METTL8: variants seen among roughly 807,000 people sequenced by gnomAD.
The protein encoded by METTL8 is tRNA N(3)-cytidine methyltransferase METTL8, mitochondrial.
METTL8 carries 32 observed loss-of-function variants against 48.7 expected under a neutral mutation model. That is an observed-to-expected ratio of 0.66 (90% CI 0.50 to 0.88). The LOEUF (loss-of-function observed/expected upper bound fraction) is 0.88. METTL8 is among the 40% of genes least tolerant of loss of function. The pLI, the probability that METTL8 is intolerant of heterozygous loss-of-function variation, is 0.00. For missense variants in METTL8, 464 were observed against 474.4 expected, an observed-to-expected ratio of 0.98 and a Z score of 0.20; for synonymous variants, 136 against 157.1, an observed-to-expected ratio of 0.87 and a Z score of 1.01.
chr2:171,359,532 G>A (rs1313634021), intron 3 of METTL8, among the ~76,000 whole-genome samples: 4 of 151,892 alleles, frequency 2.6e-5, no homozygotes, highest in Non-Finnish European at 5.9e-5. Flanking sequence ...CAAAAGAAAG[G>A]ACATCAATAT....
intron 4 of METTL8, among the ~76,000 whole-genome samples, chr2:171,338,654 A>G (rs977491222): frequency 8.9e-4 from 135 of 151,952 alleles, no homozygotes; most frequent in Non-Finnish European, 1.7e-3. Flanking sequence ...AAAAAAAAAA[A>G]AAGAAGAAAA....
intron 2 of METTL8, among the ~76,000 whole-genome samples, chr2:171,389,260 CTG>C (rs1444354198): frequency 6.6e-6 from 1 of 152,056 alleles, no homozygotes; most frequent in African/African-American, 2.4e-5. Context: ...TGGCTCACAC[CTG>C]TAATCCCAGC....
chr2:171,431,539 G>A (rs2105689735), intron 1 of METTL8, among the ~76,000 whole-genome samples: 1 of 152,356 alleles, frequency 6.6e-6, no homozygotes, highest in Non-Finnish European at 1.5e-5. Context: ...ATCAAGAGCT[G>A]TTTTGTTGCT....
intron 1 of METTL8, among the ~76,000 whole-genome samples, chr2:171,403,934 T>A (rs1296569177): frequency 2.0e-5 from 3 of 150,270 alleles, no homozygotes; most frequent in Non-Finnish European, 4.4e-5. Context: ...GAGAGCAAGA[T>A]GATGAGATCT....
intron 9 of METTL8, among the ~76,000 whole-genome samples, chr2:171,324,809 C>T (rs1201421079): frequency 6.6e-6 from 1 of 152,164 alleles, no homozygotes; most frequent in African/African-American, 2.4e-5. Flanking sequence ...CGCCTGTAAT[C>T]CCAGCACTTT....
At position 171,392,198 on chromosome 2, in the gene METTL8, C is replaced by A; in HGVS notation, c.-12-1G>T. 6.5e-7 allele frequency: 1 copy of A among 1,548,930 alleles called. No homozygotes were observed. Among genetic ancestry groups the A allele is most frequent in the Middle Eastern group, 1.7e-4 (1 of 5,920 alleles). ...AAATCATATTCATCCTAAGCAGTAC[C>A]TAAAAAGTTACAAATGATTAATTAG... On this transcript the variant is annotated splice_acceptor_variant, in intron 1 of 9. Transcript: ENST00000375258. LOFTEE classifies it low-confidence loss of function (5UTR_SPLICE).
rs2105679809 is a variant in METTL8 at position 171,428,524 on chromosome 2, A to G, written c.-13+5359T>C. Among the ~76,000 whole-genome samples, 2 of 152,352 alleles carry G rather than the reference A, an allele frequency of 1.3e-5. 1 individual carries two copies. Among genetic ancestry groups the G allele is most frequent in the South Asian group, 4.1e-4 (2 of 4,828 alleles). ...AAAAAAAAGTACTTAGCTGTTGATA[A>G]TAGATTCTATACAAACATATTGTTT... On this transcript the variant is annotated intron_variant, in intron 1 of 9. Coordinates refer to ENST00000375258, the MANE Select transcript of METTL8 (RefSeq NM_001321154.2).
chr2:171,324,457 T>C, intron 9 of METTL8, 95 bp from the exon 10 acceptor site: 1 of 1,095,724 alleles, frequency 9.1e-7, no homozygotes, highest in Non-Finnish European at 1.3e-6. Context: ...ACCATCTAAA[T>C]TTCATTTATA....
At chr2:171,345,925 T>C (rs149031523) in intron 3 of METTL8, among the ~76,000 whole-genome samples, 7 of 152,336 alleles carry the variant, frequency 4.6e-5, no homozygotes, top group East Asian at 3.9e-4. Flanking sequence ...ATTTGAGCTA[T>C]AGTAAAATTG....
intron 1 of METTL8, among the ~76,000 whole-genome samples, chr2:171,419,022 A>G (rs75761108): frequency 1.6e-5 from 2 of 124,176 alleles, no homozygotes; most frequent in African/African-American, 8.5e-5. Context: ...ACCCTGTCTC[A>G]AAAAAAAAAA....
chr2:171,337,361 CT>C, intron 5 of METTL8, 91 bp downstream of exon 5: 1 of 855,700 alleles, frequency 1.2e-6, no homozygotes, highest in South Asian at 1.8e-5. Flanking sequence ...ATTAGAAACA[CT>C]ACTGGCATAC....
intron 1 of METTL8, among the ~76,000 whole-genome samples, chr2:171,419,014 C>T (rs1691612599): frequency 6.7e-6 from 1 of 148,778 alleles, no homozygotes; most frequent in Admixed American, 6.6e-5. Context: ...AGAGTGAGAC[C>T]CTGTCTCAAA....
At chr2:171,354,810 C>G (rs1684345921) in intron 3 of METTL8, among the ~76,000 whole-genome samples, 1 of 152,194 alleles carries the variant, frequency 6.6e-6, no homozygotes, top group South Asian at 2.1e-4. Context: ...TCAGCTCCAT[C>G]AGGTCTTTTA....
At chr2:171,376,528 A>T (rs1277216411) in intron 2 of METTL8, among the ~76,000 whole-genome samples, 1 of 152,222 alleles carries the variant, frequency 6.6e-6, no homozygotes, top group Non-Finnish European at 1.5e-5. Flanking sequence ...ATGTACATAA[A>T]TCAGGAGCAC....
chr2:171,340,498 CAAAA>C (rs760579218), intron 3 of METTL8, among the ~76,000 whole-genome samples: 1 of 42,932 alleles, frequency 2.3e-5, no homozygotes, highest in Non-Finnish European at 4.6e-5. Flanking sequence ...TGAGTTGTCT[CAAAA>C]AAAAAAAAAA....
At chr2:171,422,911 G>T (rs888301707) in intron 1 of METTL8, among the ~76,000 whole-genome samples, 5 of 152,166 alleles carry the variant, frequency 3.3e-5, no homozygotes, top group Non-Finnish European at 7.3e-5. Context: ...AAAGCTGAAG[G>T]TGCATAATAT....
intron 3 of METTL8, among the ~76,000 whole-genome samples, chr2:171,358,649 A>AC (rs1684841546): frequency 1.3e-5 from 2 of 152,216 alleles, no homozygotes; most frequent in Non-Finnish European, 2.9e-5. Context: ...CTATATATAA[A>AC]AATCAAATCA....
chr2:171,420,940 C>T lies in METTL8; in HGVS notation c.-13+12943G>A, dbSNP rs556339614. ...GCTGCCAAAAACTTATGATGTCATCCTTAATGGTGAAATATTAGAAGTATT... is the reference window on the plus strand; with the variant it reads ...GCTGCCAAAAACTTATGATGTCATCTTTAATGGTGAAATATTAGAAGTATT... On this transcript the variant is annotated intron_variant, in intron 1 of 9. Transcript: ENST00000375258. 3.9e-5 allele frequency among the ~76,000 whole-genome samples: 6 copies of T among 152,266 alleles called. No individual in the cohort carries two copies. In the South Asian group the frequency reaches 1.2e-3, roughly 32 times the overall value.
At chr2:171,325,121 CAA>C (rs3835041) in intron 9 of METTL8, among the ~76,000 whole-genome samples, 32 of 76,028 alleles carry the variant, frequency 4.2e-4, no homozygotes, top group African/African-American at 1.3e-3. Flanking sequence ...GACTCTGTCT[CAA>C]AAAAAAAAAA....
Sources: allele counts gnomAD v4.1 joint callset (sites outside exome capture counted in the v4.1 genomes callset), GRCh38; gene constraint gnomAD v4.1.1; transcripts MANE v1.5; gene names NCBI Gene and HGNC (gene_info 2026-07-23, HGNC 2026-07-21).